The following PPFIA2 variants were observed in gnomAD, a reference collection of about 807,000 sequenced individuals.
PPFIA2 encodes the protein PPFI scaffold protein A2, also known as liprin-alpha-2.
A neutral mutation model predicts 175.5 loss-of-function variants in PPFIA2; 46 were observed. The ratio of observed to expected loss-of-function variants is 0.26; its 90% CI spans 0.21 to 0.34. PPFIA2 has a LOEUF of 0.34. Ranked by LOEUF, PPFIA2 falls within the 10% of genes least tolerant of loss-of-function variation. PPFIA2 has a pLI of 1.00. For missense variants in PPFIA2, 1,179 were observed against 1,506.1 expected, an observed-to-expected ratio of 0.78 and a Z score of 3.60; for synonymous variants, 568 against 511.4, an observed-to-expected ratio of 1.11 and a Z score of -1.49.
intron 6 of PPFIA2, among the ~76,000 whole-genome samples, chr12:81,441,150 A>T (rs1006747071): frequency 1.3e-5 from 2 of 151,710 alleles, no homozygotes; most frequent in Non-Finnish European, 2.9e-5. Flanking sequence ...ATATGTAAAA[A>T]CCCAGATACA....
chr12:81,642,689 T>G lies in PPFIA2; in HGVS notation c.303+34102A>C, dbSNP rs1214393171. On this transcript the variant is annotated intron_variant, in intron 4 of 32. Coordinates refer to ENST00000549396, the MANE Select transcript of PPFIA2 (RefSeq NM_003625.5). ...TATACATACATGTATGTATCTATTA[T>G]ATACATACATGTATATGTATGTATG... is the stretch of plus-strand genomic sequence containing the variant. Among the ~76,000 whole-genome samples, 11 of 100,014 alleles carry G rather than the reference T, an allele frequency of 1.1e-4. 1 individual carries two copies. Among genetic ancestry groups the G allele is most frequent in the Non-Finnish European group, 7.8e-5 (4 of 51,136 alleles). 65.6% of individuals were successfully genotyped at this position (100,014 alleles called of 152,430 possible).
At chr12:81,324,913 T>G (rs960699935) in intron 22 of PPFIA2, among the ~76,000 whole-genome samples, 1 of 151,966 alleles carries the variant, frequency 6.6e-6, no homozygotes, top group Non-Finnish European at 1.5e-5. Flanking sequence ...TTAGTAAACA[T>G]TTACAAAGCA....
chr12:81,394,990 A>G lies in PPFIA2; in HGVS notation c.763-10746T>C, dbSNP rs75243721. Among the ~76,000 whole-genome samples the G allele has an allele frequency of 2.8e-3, 421 of 152,158 alleles. 3 individuals carry two copies. Among genetic ancestry groups the G allele is most frequent in the South Asian group, 0.019 (92 of 4,830 alleles). ...TTATTATTAAAGTCTATACTTTTAC[A>G]AGCTTTATATGTCTTGGACAATAAC... On this transcript the variant is annotated intron_variant, in intron 8 of 32. Transcript: ENST00000549396.
At chr12:81,668,343 T>C (rs1418520626) in intron 4 of PPFIA2, among the ~76,000 whole-genome samples, 1 of 152,026 alleles carries the variant, frequency 6.6e-6, no homozygotes, top group African/African-American at 2.4e-5. Context: ...CTATTCTTTC[T>C]CACTGGCCTA....
At chr12:81,553,839 T>G (rs998260288) in intron 4 of PPFIA2, among the ~76,000 whole-genome samples, 5 of 152,078 alleles carry the variant, frequency 3.3e-5, no homozygotes, top group African/African-American at 9.7e-5. Context: ...TTGGAGTTTT[T>G]GTCAATAACA....
At chr12:81,445,889 A>C (rs1191145412) in intron 5 of PPFIA2, among the ~76,000 whole-genome samples, 169 bp from the exon 6 acceptor site, 2 of 152,266 alleles carry the variant, frequency 1.3e-5, no homozygotes. Flanking sequence ...CAGGGTTTAT[A>C]AAATACATTA....
Position 81,439,821 on chromosome 12 carries a change from T to C in PPFIA2, c.645+151A>G. On this transcript the variant is annotated intron_variant, in intron 7 of 32. Coordinates refer to ENST00000549396, the MANE Select transcript of PPFIA2 (RefSeq NM_003625.5). ...ATAACCAAAAATCAGAAAACAAGACTCCGGCAACTAATTTCAACAAGCCTT... is the reference window on the plus strand; with the variant it reads ...ATAACCAAAAATCAGAAAACAAGACCCCGGCAACTAATTTCAACAAGCCTT... 3 of 680,078 alleles carry C rather than the reference T, an allele frequency of 4.4e-6. No homozygotes were observed. In the South Asian group the frequency reaches 5.9e-5, roughly 13 times the overall value. The allele number at this position is 680,078 out of a possible 1,614,324, so 42.1% of individuals were successfully genotyped here.
chr12:81,605,046 T>C (rs1280024630), intron 4 of PPFIA2, among the ~76,000 whole-genome samples: 4 of 151,806 alleles, frequency 2.6e-5, no homozygotes, highest in African/African-American at 7.2e-5. Context: ...TGTTAATCAA[T>C]GTTCCAAAAA....
intron 8 of PPFIA2, among the ~76,000 whole-genome samples, chr12:81,398,959 G>A (rs2041663541): frequency 6.6e-6 from 1 of 152,060 alleles, no homozygotes; most frequent in South Asian, 2.1e-4. Flanking sequence ...CATTTGTTGG[G>A]TGAGTGGGTC....
At chr12:81,690,126 T>C (rs967769241) in intron 3 of PPFIA2, among the ~76,000 whole-genome samples, 11 of 152,194 alleles carry the variant, frequency 7.2e-5, no homozygotes, top group African/African-American at 2.6e-4. Flanking sequence ...GGCAGATAAA[T>C]CTTCATCCCT....
At chr12:81,754,690 G>A (rs2084368110) in intron 2 of PPFIA2, among the ~76,000 whole-genome samples, 1 of 152,166 alleles carries the variant, frequency 6.6e-6, no homozygotes, top group Non-Finnish European at 1.5e-5. Flanking sequence ...TAAATGACTT[G>A]AATGACTTAG....
intron 4 of PPFIA2, among the ~76,000 whole-genome samples, chr12:81,626,501 A>G (rs1837451376): frequency 6.6e-6 from 1 of 152,016 alleles, no homozygotes. Flanking sequence ...AAATAAACAC[A>G]ATGTTGGGAT....
intron 2 of PPFIA2, 129 bp from the exon 3 acceptor site, chr12:81,754,352 C>A (rs901456343): frequency 3.6e-6 from 4 of 1,116,538 alleles, no homozygotes; most frequent in African/African-American, 1.6e-5. Flanking sequence ...ACCTGTTGCC[C>A]CAAATCCAGC....
chr12:81,288,609 G>C (rs1593960518), intron 24 of PPFIA2, among the ~76,000 whole-genome samples: 1 of 151,696 alleles, frequency 6.6e-6, no homozygotes, highest in Admixed American at 6.6e-5. Flanking sequence ...AAGTAAAGCA[G>C]CCAGACCTCA....
rs187102521 is a variant in PPFIA2 at position 81,341,784 on chromosome 12, G to T, written c.2263-576C>A. ...CAGAATATAAACTCTTTACAAAAAGGTATTAAACACACATTTGAACAATTC... is the reference window on the plus strand; with the variant it reads ...CAGAATATAAACTCTTTACAAAAAGTTATTAAACACACATTTGAACAATTC... On this transcript the variant is annotated intron_variant, in intron 19 of 32. Transcript: ENST00000549396. 3.9e-5 allele frequency among the ~76,000 whole-genome samples: 6 copies of T among 152,092 alleles called. No homozygotes were observed. In the East Asian group the frequency reaches 7.7e-4, roughly 20 times the overall value.
intron 24 of PPFIA2, among the ~76,000 whole-genome samples, chr12:81,290,395 T>C (rs2044607509): frequency 6.6e-6 from 1 of 151,848 alleles, no homozygotes; most frequent in African/African-American, 2.4e-5. Context: ...ATTGGAAATA[T>C]ATTAGAAATG....
intron 22 of PPFIA2, among the ~76,000 whole-genome samples, chr12:81,323,002 T>C (rs2054008781): frequency 6.6e-6 from 1 of 152,176 alleles, no homozygotes; most frequent in Non-Finnish European, 1.5e-5. Flanking sequence ...TAAGTGTGCC[T>C]CAAATTAAAC....
At chr12:81,386,428 T>C (rs1052598798) in intron 8 of PPFIA2, among the ~76,000 whole-genome samples, 1 of 151,668 alleles carries the variant, frequency 6.6e-6, no homozygotes, top group Non-Finnish European at 1.5e-5. Flanking sequence ...GTTTGAGACC[T>C]GCCTGGGCAA....
intron 4 of PPFIA2, among the ~76,000 whole-genome samples, chr12:81,500,610 C>G (rs1322501614): frequency 6.6e-6 from 1 of 152,140 alleles, no homozygotes; most frequent in Non-Finnish European, 1.5e-5. Flanking sequence ...GTCCTCAAAA[C>G]TGTAACAAAT....
Sources: allele counts gnomAD v4.1 joint callset (sites outside exome capture counted in the v4.1 genomes callset), GRCh38; gene constraint gnomAD v4.1.1; transcripts MANE v1.5; gene names NCBI Gene and HGNC (gene_info 2026-07-23, HGNC 2026-07-21).